NTNG1: variants seen among roughly 807,000 people sequenced by gnomAD.
NTNG1 encodes netrin-G1.
NTNG1 carries 16 observed loss-of-function variants against 54.0 expected under a neutral mutation model. That is an observed-to-expected ratio of 0.30 (90% CI 0.20 to 0.45). The LOEUF is 0.45. Ranked by LOEUF, NTNG1 falls within the 20% of genes least tolerant of loss-of-function variation. NTNG1 has a pLI of 1.00. For synonymous variants in NTNG1, 255 were observed against 263.1 expected, an observed-to-expected ratio of 0.97 and a Z score of 0.30; for missense variants, 530 against 678.7, an observed-to-expected ratio of 0.78 and a Z score of 2.43.
At chr1:107,401,663 G>A (rs1673048402) in intron 4 of NTNG1, among the ~76,000 whole-genome samples, 1 of 149,628 alleles carries the variant, frequency 6.7e-6, no homozygotes, top group Non-Finnish European at 1.5e-5. Flanking sequence ...GCAGGTACAT[G>A]TTGAAAAAAA....
At chr1:107,302,091 C>A (rs530185780) in intron 2 of NTNG1, among the ~76,000 whole-genome samples, 1 of 152,118 alleles carries the variant, frequency 6.6e-6, no homozygotes. Flanking sequence ...TTCCTAGGAC[C>A]AACGTCCACC....
chr1:107,375,683 G>A (rs1349102330), intron 3 of NTNG1, among the ~76,000 whole-genome samples: 2 of 152,154 alleles, frequency 1.3e-5, no homozygotes, highest in Admixed American at 6.5e-5. Context: ...AACCCACAAT[G>A]AAACCCACTT....
At chr1:107,337,309 C>A (rs1570710027) in intron 3 of NTNG1, among the ~76,000 whole-genome samples, 1 of 152,108 alleles carries the variant, frequency 6.6e-6, no homozygotes, top group East Asian at 1.9e-4. Flanking sequence ...ACACATGCTA[C>A]AACATGGATG....
chr1:107,348,547 C>T (rs1014814515), intron 3 of NTNG1, among the ~76,000 whole-genome samples: 3 of 152,192 alleles, frequency 2.0e-5, no homozygotes, highest in Admixed American at 1.3e-4. Context: ...CAGCCACTGT[C>T]AGATGCACCA....
At chr1:107,203,574 CTG>C (rs56271895) in intron 2 of NTNG1, among the ~76,000 whole-genome samples, 102,523 of 149,976 alleles carry the variant, frequency 0.68, 37,846 homozygotes, top group Non-Finnish European at 0.83. Context: ...TATATAGTTA[CTG>C]TGTGTGTGTG....
intron 3 of NTNG1, among the ~76,000 whole-genome samples, chr1:107,392,377 C>T (rs1356619996): frequency 1.3e-5 from 2 of 151,866 alleles, no homozygotes; most frequent in Non-Finnish European, 2.9e-5. Context: ...TTAAGGAGTG[C>T]AGACAAAGAT....
At chr1:107,371,431 T>C (rs1670917914) in intron 3 of NTNG1, among the ~76,000 whole-genome samples, 1 of 152,102 alleles carries the variant, frequency 6.6e-6, no homozygotes, top group Non-Finnish European at 1.5e-5. Context: ...CATGATAGAT[T>C]CTATAGCTAG....
chr1:107,448,603 G>C (rs1463059044), intron 7 of NTNG1, among the ~76,000 whole-genome samples: 1 of 152,104 alleles, frequency 6.6e-6, no homozygotes, highest in Admixed American at 6.6e-5. Context: ...GATAACAAAT[G>C]AAGGTTTTAA....
At chr1:107,376,385 G>T (rs1255770764) in intron 3 of NTNG1, among the ~76,000 whole-genome samples, 2 of 148,790 alleles carry the variant, frequency 1.3e-5, no homozygotes, top group African/African-American at 5.0e-5. Flanking sequence ...TCCAGCCTGG[G>T]TGACAGAGTG....
chr1:107,261,046 T>C (rs1242405187), intron 2 of NTNG1: 1 of 152,250 alleles, frequency 6.6e-6, no homozygotes, highest in African/African-American at 2.4e-5. Context: ...TGTACAGTTA[T>C]GATGGATCAG....
intron 7 of NTNG1, among the ~76,000 whole-genome samples, chr1:107,471,769 G>C (rs1232981430): frequency 6.6e-6 from 1 of 152,212 alleles, no homozygotes; most frequent in Non-Finnish European, 1.5e-5. Flanking sequence ...TTTGAGGAAG[G>C]ACATTTGCTT....
intron 2 of NTNG1, among the ~76,000 whole-genome samples, chr1:107,232,549 A>G: frequency 6.6e-6 from 1 of 152,178 alleles, no homozygotes; most frequent in East Asian, 1.9e-4. Context: ...ATCATTTTGA[A>G]GTGGTCTCAT....
intron 2 of NTNG1, among the ~76,000 whole-genome samples, chr1:107,236,526 G>T (rs1388270386): frequency 1.3e-5 from 2 of 152,126 alleles, no homozygotes; most frequent in Non-Finnish European, 2.9e-5. Context: ...GGTCAGAATA[G>T]AAAAGATTGC....
intron 3 of NTNG1, among the ~76,000 whole-genome samples, chr1:107,361,778 A>T (rs1328878158): frequency 6.6e-6 from 1 of 152,164 alleles, no homozygotes; most frequent in Admixed American, 6.5e-5. Flanking sequence ...TGACTTCTTT[A>T]TGGAAGAAAT....
At chr1:107,408,285 C>G (rs1318669432) in intron 5 of NTNG1, 1 of 162,598 alleles carries the variant, frequency 6.2e-6, no homozygotes, top group Non-Finnish European at 1.3e-5. Context: ...TCTGTACATT[C>G]ATTTCTCCTT....
rs564198975 is a variant in NTNG1 at position 107,432,054 on chromosome 1, T to A, written c.1255+1137T>A. Among the ~76,000 whole-genome samples the A allele has an allele frequency of 1.4e-3, 216 of 152,318 alleles. 1 individual carries two copies. The highest frequency in any genetic ancestry group is 5.1e-3 in the African/African-American group (210 of 41,576). On this transcript the variant is annotated intron_variant, in intron 6 of 7. Transcript: ENST00000370068. ...TACTGTTGGTGTCTACAGTACTTTC[T>A]GTATTTCAGAGCATCTCCTTATTTA...
chr1:107,396,663 T>A (rs1287067348), intron 4 of NTNG1, among the ~76,000 whole-genome samples: 1 of 152,182 alleles, frequency 6.6e-6, no homozygotes, highest in Non-Finnish European at 1.5e-5. Context: ...TTTATTGCAA[T>A]ACCCTGTGGC....
At position 107,483,981 on chromosome 1, in the gene NTNG1, T is replaced by G. The variant is rs1171025878; in HGVS notation, c.*3141T>G. 1.3e-5 allele frequency among the ~76,000 whole-genome samples: 2 copies of G among 152,170 alleles called. No individual in the cohort carries two copies. The highest frequency in any genetic ancestry group is 1.9e-4 in the East Asian group (1 of 5,190). ...CTTGCTTAGAGAGACCCATTCTGAC[T>G]CTCCTCCAGCTTTCTCCCAGATATC... On this transcript the variant is annotated 3_prime_UTR_variant, in exon 8 of 8. Transcript: ENST00000370068.
intron 2 of NTNG1, among the ~76,000 whole-genome samples, chr1:107,299,140 C>T (rs1450536294): frequency 6.6e-6 from 1 of 152,038 alleles, no homozygotes. Flanking sequence ...CCTAATGCTC[C>T]TGATTGTCCA....
Sources: gnomAD v4.1 joint callset for allele counts (sites outside exome capture counted in the v4.1 genomes callset) on GRCh38, gnomAD v4.1.1 for gene constraint, MANE v1.5 for transcripts, NCBI Gene and HGNC (gene_info 2026-07-23, HGNC 2026-07-21) for gene names.